PDGFD: variants seen among roughly 807,000 people sequenced by gnomAD.
PDGFD encodes platelet derived growth factor D.
A neutral mutation model predicts 44.7 loss-of-function variants in PDGFD; 30 were observed. The ratio of observed to expected loss-of-function variants is 0.67; its 90% CI spans 0.50 to 0.91. PDGFD has a LOEUF of 0.91. PDGFD is among the 40% of genes least tolerant of loss of function. The probability of loss-of-function intolerance (pLI) is 0.00; values close to 1 mark genes in which losing one functional copy is unlikely to be tolerated. For missense variants in PDGFD, 445 were observed against 457.8 expected, an observed-to-expected ratio of 0.97 and a Z score of 0.25; for synonymous variants, 173 against 168.4, an observed-to-expected ratio of 1.03 and a Z score of -0.21.
chr11:104,104,221 G>A (rs2515084), intron 1 of PDGFD, among the ~76,000 whole-genome samples: 152,340 of 152,348 alleles, frequency 1, 76,166 homozygotes, highest in Non-Finnish European at 1. Flanking sequence ...AAGCTATTTT[G>A]AGTTATTGCA....
At chr11:104,004,184 C>G (rs942038619) in intron 1 of PDGFD, among the ~76,000 whole-genome samples, 1 of 152,032 alleles carries the variant, frequency 6.6e-6, no homozygotes, top group African/African-American at 2.4e-5. Flanking sequence ...TTTTATGAAC[C>G]TGTAGAAGGG....
chr11:103,971,342 C>T (rs577998823), intron 3 of PDGFD, among the ~76,000 whole-genome samples: 1 of 152,206 alleles, frequency 6.6e-6, no homozygotes, highest in Non-Finnish European at 1.5e-5. Context: ...ACTATCAGCC[C>T]TTGAAAGCTG....
At position 103,910,637 on chromosome 11, in the gene PDGFD, C is replaced by G. The variant is rs1004038807; in HGVS notation, c.988-818G>C. Among the ~76,000 whole-genome samples, 4 of 152,334 alleles carry G rather than the reference C, an allele frequency of 2.6e-5. No homozygotes were observed. The South Asian group carries it at 8.3e-4, about 32-fold the overall frequency. ...GAGATTTCCCCCAGTGCCTATGCCA[C>G]CAGGGCCCTGGGTTTCAAGCACAAA... On this transcript the variant is annotated intron_variant, in intron 6 of 6. Coordinates refer to ENST00000393158, the MANE Select transcript of PDGFD (RefSeq NM_025208.5).
At chr11:103,967,332 A>G (rs541154396) in intron 3 of PDGFD, among the ~76,000 whole-genome samples, 44 of 152,282 alleles carry the variant, frequency 2.9e-4, no homozygotes, top group Middle Eastern at 6.8e-3. Context: ...CATTCTGGAT[A>G]ATGTCAGTGT....
chr11:103,932,866 A>C (rs1858427094), intron 5 of PDGFD, among the ~76,000 whole-genome samples: 1 of 152,210 alleles, frequency 6.6e-6, no homozygotes, highest in African/African-American at 2.4e-5. Flanking sequence ...TTATATGTTG[A>C]ATGTTTGGAT....
intron 1 of PDGFD, among the ~76,000 whole-genome samples, chr11:104,053,901 A>G (rs1372882205): frequency 6.6e-6 from 1 of 152,200 alleles, no homozygotes. Context: ...AAACAGAGAT[A>G]AGAGACATTT....
chr11:104,114,603 T>C (rs1001791455), intron 1 of PDGFD, among the ~76,000 whole-genome samples: 2 of 152,052 alleles, frequency 1.3e-5, no homozygotes, highest in Non-Finnish European at 2.9e-5. Context: ...CCATATAAAC[T>C]TTAGAATCAG....
chr11:103,931,792 G>A (rs1306909204), intron 5 of PDGFD, among the ~76,000 whole-genome samples: 1 of 151,990 alleles, frequency 6.6e-6, no homozygotes, highest in Non-Finnish European at 1.5e-5. Context: ...CACCATGTTG[G>A]CACCAGTAAT....
At position 103,981,956 on chromosome 11, in the gene PDGFD, C is replaced by T. The variant is rs748238553; in HGVS notation, c.510+14109G>A. Among the ~76,000 whole-genome samples the T allele has an allele frequency of 2.6e-5, 4 of 151,746 alleles. 1 individual carries two copies. The highest frequency in any genetic ancestry group is 9.7e-5 in the African/African-American group (4 of 41,118). ...AGGCTAGTATTGGTGCAACTATATG[C>T]CTCTTAGAGTTTAAAATGTTGCAGA... On this transcript the variant is annotated intron_variant, in intron 3 of 6. Transcript: ENST00000393158.
chr11:104,146,023 C>G (rs10895588), intron 1 of PDGFD, among the ~76,000 whole-genome samples: 36,091 of 152,032 alleles, frequency 0.24, 4,344 homozygotes, highest in Middle Eastern at 0.34. Flanking sequence ...GCCTCCAGGA[C>G]TATGAGAAAT....
chr11:103,986,552 A>T (rs988480303), intron 3 of PDGFD, among the ~76,000 whole-genome samples: 2 of 152,186 alleles, frequency 1.3e-5, no homozygotes, highest in African/African-American at 4.8e-5. Context: ...TGCAAAGATT[A>T]TAACTGAGAA....
At chr11:104,080,529 A>C (rs552977738) in intron 1 of PDGFD, among the ~76,000 whole-genome samples, 3 of 152,220 alleles carry the variant, frequency 2.0e-5, no homozygotes, top group African/African-American at 7.2e-5. Flanking sequence ...CATTCGCTGC[A>C]TATCAGTTTC....
At chr11:104,113,675 T>C (rs1306982230) in intron 1 of PDGFD, among the ~76,000 whole-genome samples, 5 of 151,954 alleles carry the variant, frequency 3.3e-5, no homozygotes, top group African/African-American at 1.2e-4. Context: ...GATAAGAGTA[T>C]GCTTAGTCTT....
At chr11:103,982,023 T>G (rs2134352050) in intron 3 of PDGFD, among the ~76,000 whole-genome samples, 1 of 151,878 alleles carries the variant, frequency 6.6e-6, no homozygotes, top group East Asian at 1.9e-4. Flanking sequence ...ATGCTTCATT[T>G]CTATTCCACA....
chr11:103,918,775 TTCAGA>T (rs1280916255), intron 6 of PDGFD, among the ~76,000 whole-genome samples: 2 of 152,162 alleles, frequency 1.3e-5, no homozygotes, highest in African/African-American at 4.8e-5. Context: ...GTTCAAAGCT[TTCAGA>T]TCATGTAATA....
chr11:103,918,228 TCTC>T (rs1858157805), intron 6 of PDGFD, among the ~76,000 whole-genome samples: 1 of 152,158 alleles, frequency 6.6e-6, no homozygotes. Flanking sequence ...TCTATTATCA[TCTC>T]CTGCAATTCT....
chr11:104,153,739 G>A (rs1181325894), intron 1 of PDGFD, among the ~76,000 whole-genome samples: 2 of 152,180 alleles, frequency 1.3e-5, no homozygotes, highest in Non-Finnish European at 2.9e-5. Flanking sequence ...TTACCAGTGT[G>A]ATTACTCATT....
chr11:104,147,877 A>T (rs1038687505), intron 1 of PDGFD, among the ~76,000 whole-genome samples: 3 of 152,218 alleles, frequency 2.0e-5, no homozygotes, highest in Non-Finnish European at 4.4e-5. Context: ...CAAATCTTTT[A>T]AAATCAGCCA....
intron 1 of PDGFD, among the ~76,000 whole-genome samples, chr11:104,097,183 T>A (rs1426110165): frequency 6.6e-6 from 1 of 152,088 alleles, no homozygotes; most frequent in African/African-American, 2.4e-5. Flanking sequence ...CATGATAAAC[T>A]CACATGCTTT....
Sources: gnomAD v4.1 joint callset for allele counts (sites outside exome capture counted in the v4.1 genomes callset) on GRCh38, gnomAD v4.1.1 for gene constraint, MANE v1.5 for transcripts, NCBI Gene and HGNC (gene_info 2026-07-23, HGNC 2026-07-21) for gene names.